Variants in MUSK observed in about 807,000 individuals in gnomAD.
MUSK encodes muscle associated receptor tyrosine kinase, also known as muscle, skeletal receptor tyrosine-protein kinase.
Under a neutral mutation model 88.7 loss-of-function variants are expected in MUSK, and 55 were observed. The observed-to-expected ratio is 0.62, with a 90% confidence interval of 0.50 to 0.78. The LOEUF is 0.78. Among genes scored for constraint, MUSK ranks in the 30% least tolerant of loss-of-function variants. The pLI is 0.00. For missense variants in MUSK, 1,015 were observed against 1,074.3 expected, an observed-to-expected ratio of 0.94 and a Z score of 0.77; for synonymous variants, 387 against 391.9, an observed-to-expected ratio of 0.99 and a Z score of 0.15.
intron 2 of MUSK, among the ~76,000 whole-genome samples, chr9:110,685,186 T>C (rs1425218470): frequency 6.6e-6 from 1 of 152,152 alleles, no homozygotes; most frequent in East Asian, 1.9e-4. Context: ...TGAATTTTTA[T>C]CAAATGCTTT....
intron 5 of MUSK, chr9:110,728,568 T>C (rs1338563004): frequency 7.1e-6 from 5 of 700,286 alleles, no homozygotes; most frequent in Non-Finnish European, 1.2e-5. Context: ...AACAAGCAGC[T>C]TCTAATTAAT....
In MUSK at chr9:110,757,215, T is replaced by C. The variant is rs527818298; in HGVS notation, c.914-4987T>C. ...TGGCTCATGCCTGTATCCCAGCACTTTGGGAGGCTGAGGCGGGTGGATAAT... is the reference window on the plus strand; with the variant it reads ...TGGCTCATGCCTGTATCCCAGCACTCTGGGAGGCTGAGGCGGGTGGATAAT... On this transcript the variant is annotated intron_variant, in intron 7 of 14. Transcript: ENST00000374448. 2.6e-5 allele frequency among the ~76,000 whole-genome samples: 4 copies of C among 152,120 alleles called. No homozygotes were observed. In the South Asian group the frequency reaches 8.3e-4, roughly 32 times the overall value.
chr9:110,737,893 A>G (rs545174407), intron 6 of MUSK, among the ~76,000 whole-genome samples: 2 of 152,152 alleles, frequency 1.3e-5, no homozygotes, highest in South Asian at 2.1e-4. Flanking sequence ...ATTGTCAACT[A>G]TAGGAACCCA....
chr9:110,726,512 A>T (rs2076886255), intron 5 of MUSK, among the ~76,000 whole-genome samples: 1 of 152,094 alleles, frequency 6.6e-6, no homozygotes, highest in African/African-American at 2.4e-5. Flanking sequence ...GTTGCCCTTG[A>T]ACCCTGACAA....
At position 110,806,206 on chromosome 9, in the gene MUSK, C is replaced by T. The variant is rs1397351678; in HGVS notation, c.*5218C>T. Among the ~76,000 whole-genome samples, 4 of 152,030 alleles carry T rather than the reference C, an allele frequency of 2.6e-5. No homozygotes were observed. The highest frequency in any genetic ancestry group is 5.9e-5 in the Non-Finnish European group (4 of 67,984). On this transcript the variant is annotated 3_prime_UTR_variant, in exon 15 of 15. Coordinates refer to ENST00000374448, the MANE Select transcript of MUSK (RefSeq NM_005592.4). The stretch of plus-strand genomic sequence containing the variant: ...AATTGATCAATTTTTTAAAAATATG[C>T]AGCACTCTGACTCAAACTCCCTTTC...
At chr9:110,669,580 A>G (rs535838587) in intron 1 of MUSK, among the ~76,000 whole-genome samples, 6 of 152,328 alleles carry the variant, frequency 3.9e-5, no homozygotes, top group Admixed American at 1.3e-4. Flanking sequence ...AGACTGCAAA[A>G]GTTTTTTTCA....
At chr9:110,782,731 T>C (rs1321262023) in intron 11 of MUSK, among the ~76,000 whole-genome samples, 2 of 152,138 alleles carry the variant, frequency 1.3e-5, no homozygotes, top group African/African-American at 4.8e-5. Flanking sequence ...CCATCTTAGA[T>C]CGAGAAAACT....
At chr9:110,763,164 T>C (rs1039043516) in intron 8 of MUSK, among the ~76,000 whole-genome samples, 3 of 152,192 alleles carry the variant, frequency 2.0e-5, no homozygotes, top group African/African-American at 4.8e-5. Context: ...TTTGGATGTA[T>C]ATATTGCTCT....
At chr9:110,686,996 T>C in intron 2 of MUSK, 121 bp from the exon 3 acceptor site, 1 of 901,486 alleles carries the variant, frequency 1.1e-6, no homozygotes, top group Middle Eastern at 3.3e-4. Flanking sequence ...CAGAAGTCAC[T>C]CAAGTTTCCT....
chr9:110,689,972 T>C (rs1270299917), intron 3 of MUSK, among the ~76,000 whole-genome samples: 1 of 79,566 alleles, frequency 1.3e-5, no homozygotes, highest in African/African-American at 5.9e-5. Context: ...ATTTATATAT[T>C]ATATTATAAA....
At chr9:110,734,485 C>T in intron 6 of MUSK, 110 bp downstream of exon 6, 6 of 1,362,116 alleles carry the variant, frequency 4.4e-6, no homozygotes, top group Non-Finnish European at 5.1e-6. Context: ...GTCTCACCTA[C>T]ACCACTTTTC....
At chr9:110,755,775 AAGG>A (rs1377233069) in intron 7 of MUSK, among the ~76,000 whole-genome samples, 1 of 151,570 alleles carries the variant, frequency 6.6e-6, no homozygotes, top group African/African-American at 2.4e-5. Context: ...TGGCATATTT[AAGG>A]AGAAGAGGAT....
chr9:110,717,897 T>C (rs2076764913), intron 5 of MUSK, among the ~76,000 whole-genome samples: 1 of 152,142 alleles, frequency 6.6e-6, no homozygotes. Context: ...AGAATCTGTA[T>C]TAGTTATCTG....
rs776660528 is a variant in MUSK at position 110,787,716 on chromosome 9, C to T, written c.1805C>T (p.Pro602Leu). The T allele has an allele frequency of 6.2e-7, 1 of 1,613,896 alleles. No individual in the cohort carries two copies. The highest frequency in any genetic ancestry group is 1.1e-5 in the South Asian group (1 of 91,054). ...GCACCAGGCTTACTTCCCTATGAAC[C>T]TTTCACTATGGTGGCAGTAAAGATG... is the stretch of plus-strand genomic sequence containing the variant. The part of the protein sequence containing the change: ...ARAPGLLPYE[P>L]FTMVAVKMLK... The change falls in exon 14 of 15, where the codon CCT becomes CTT. Residue 602 changes from proline (P) to leucine (L), a missense_variant. Transcript: ENST00000374448.
chr9:110,729,326 TAAAAA>T (rs34882321), intron 5 of MUSK, among the ~76,000 whole-genome samples: 1 of 97,432 alleles, frequency 1.0e-5, no homozygotes, highest in Non-Finnish European at 2.1e-5. Flanking sequence ...CTGTTTTCTG[TAAAAA>T]AAAAAAAAAA....
At chr9:110,704,320 A>G (rs1039990794) in intron 5 of MUSK, among the ~76,000 whole-genome samples, 28 of 152,216 alleles carry the variant, frequency 1.8e-4, no homozygotes, top group African/African-American at 6.3e-4. Context: ...ATTTATATAC[A>G]TTAACTTCTA....
intron 1 of MUSK, 124 bp from the exon 2 acceptor site, chr9:110,682,550 G>C (rs1001708112): frequency 2.1e-6 from 2 of 943,662 alleles, no homozygotes; most frequent in Non-Finnish European, 3.1e-6. Flanking sequence ...CCTTTCTTTT[G>C]GCAAATTTCT....
At chr9:110,675,215 CTTTTTTTTT>C (rs386415865) in intron 1 of MUSK, among the ~76,000 whole-genome samples, 2 of 88,346 alleles carry the variant, frequency 2.3e-5, no homozygotes, top group African/African-American at 4.4e-5. Flanking sequence ...CACATTGCCT[CTTTTTTTTT>C]TTTTTTTTTT....
chr9:110,771,006 TAGTTG>T (rs1209366901), intron 9 of MUSK, among the ~76,000 whole-genome samples: 4 of 151,990 alleles, frequency 2.6e-5, no homozygotes, highest in Admixed American at 2.6e-4. Flanking sequence ...TTGAGGTAGT[TAGTTG>T]ATAGAAGTAT....
Sources: allele counts gnomAD v4.1 joint callset (sites outside exome capture counted in the v4.1 genomes callset), GRCh38; gene constraint gnomAD v4.1.1; transcripts MANE v1.5; gene names NCBI Gene and HGNC (gene_info 2026-07-23, HGNC 2026-07-21).